Variants in WDR37 observed in about 807,000 individuals in gnomAD.
The protein encoded by WDR37 is WD repeat domain 37, also known as WD repeat-containing protein 37.
WDR37 carries 19 observed loss-of-function variants against 62.9 expected under a neutral mutation model. The observed-to-expected ratio is 0.30, with a 90% confidence interval of 0.21 to 0.44. WDR37 has a LOEUF of 0.44. Ranked by LOEUF, WDR37 falls within the 20% of genes least tolerant of loss-of-function variation. The probability of loss-of-function intolerance (pLI) is 1.00; values close to 1 mark genes in which losing one functional copy is unlikely to be tolerated. For missense variants in WDR37, 474 were observed against 657.6 expected (o/e 0.72, Z 3.05); for synonymous variants, 250 against 260.9 (o/e 0.96, Z 0.40).
rs1039109327 is a variant in WDR37 at position 1,131,013 on chromosome 10, A to T, written c.*1669A>T. 6.6e-6 allele frequency: 1 copy of T among 152,232 alleles called. No homozygotes were observed. The highest frequency in any genetic ancestry group is 2.4e-5 in the African/African-American group (1 of 41,456). The allele number at this position is 152,232 out of a possible 1,614,324, so 9.4% of individuals were successfully genotyped here. On this transcript the variant is annotated 3_prime_UTR_variant, in exon 14 of 14. Coordinates refer to ENST00000263150, the MANE Select transcript of WDR37 (RefSeq NM_014023.4). Reference sequence around the variant, plus strand: ...TTTCAGTCATTTTGATTTTACAAATAAAAAATGTGTTGTGTTTTTGTCCGA... The same window carrying T: ...TTTCAGTCATTTTGATTTTACAAATTAAAAATGTGTTGTGTTTTTGTCCGA...
chr10:1,087,250 T>G (rs1337061708), intron 7 of WDR37, among the ~76,000 whole-genome samples: 1 of 152,224 alleles, frequency 6.6e-6, no homozygotes, highest in Non-Finnish European at 1.5e-5. Context: ...CTTACCTGTC[T>G]TCCTCCCCTG....
intron 1 of WDR37, among the ~76,000 whole-genome samples, chr10:1,062,362 T>C (rs527484660): frequency 5.9e-5 from 9 of 152,258 alleles, no homozygotes; most frequent in Admixed American, 5.2e-4. Context: ...ACTTATAATT[T>C]TGATGAGAAA....
intron 11 of WDR37, among the ~76,000 whole-genome samples, chr10:1,118,486 A>C (rs1479302637): frequency 2.8e-5 from 4 of 144,058 alleles, no homozygotes; most frequent in Non-Finnish European, 3.0e-5. Context: ...CACACATCTG[A>C]GCTGCGTGCA....
At chr10:1,129,122 T>C in intron 13 of WDR37, 91 bp from the exon 14 acceptor site, 1 of 1,552,628 alleles carries the variant, frequency 6.4e-7, no homozygotes, top group Middle Eastern at 1.8e-4. Context: ...ACTTACGTAC[T>C]TTGAGTGATG....
chr10:1,065,148 T>G (rs1055002999), intron 1 of WDR37, among the ~76,000 whole-genome samples: 1 of 152,224 alleles, frequency 6.6e-6, no homozygotes, highest in Non-Finnish European at 1.5e-5. Flanking sequence ...AAAATATCGG[T>G]CAATTTAGTA....
At chr10:1,115,317 G>A (rs745573472) in intron 11 of WDR37, among the ~76,000 whole-genome samples, 1 of 152,084 alleles carries the variant, frequency 6.6e-6, no homozygotes, top group African/African-American at 2.4e-5. Flanking sequence ...TTCTTCTAAA[G>A]AAAACAAAAC....
chr10:1,088,694 T>TAA (rs112287538), intron 7 of WDR37, among the ~76,000 whole-genome samples: 49 of 136,818 alleles, frequency 3.6e-4, no homozygotes, highest in African/African-American at 9.4e-4. Flanking sequence ...AAAAAGAAAT[T>TAA]AAAAAAAAAA....
At chr10:1,115,929 C>A (rs963105029) in intron 11 of WDR37, among the ~76,000 whole-genome samples, 2 of 152,150 alleles carry the variant, frequency 1.3e-5, no homozygotes, top group African/African-American at 4.8e-5. Context: ...TGTCTCCTCT[C>A]AGTGTTACAT....
chr10:1,092,320 G>T (rs11250259), intron 7 of WDR37, among the ~76,000 whole-genome samples: 147,926 of 152,186 alleles, frequency 0.97, 72,034 homozygotes, highest in Middle Eastern at 1. Flanking sequence ...GGCAAGACCC[G>T]GTCTCTACTA....
intron 12 of WDR37, among the ~76,000 whole-genome samples, 168 bp from the exon 13 acceptor site, chr10:1,124,742 G>A (rs1420280857): frequency 6.6e-6 from 1 of 152,074 alleles, no homozygotes; most frequent in Non-Finnish European, 1.5e-5. Context: ...CTACGTGTGA[G>A]TAACTTGGTC....
intron 11 of WDR37, among the ~76,000 whole-genome samples, chr10:1,111,214 G>A (rs917008617): frequency 3.9e-5 from 6 of 152,180 alleles, no homozygotes; most frequent in East Asian, 3.8e-4. Context: ...GGAACTAAGC[G>A]TAAATTCTTT....
At chr10:1,111,735 G>A (rs1835224180) in intron 11 of WDR37, among the ~76,000 whole-genome samples, 1 of 152,200 alleles carries the variant, frequency 6.6e-6, no homozygotes, top group Admixed American at 6.5e-5. Context: ...TTGACTGTTT[G>A]TTAGTGACCC....
rs566670086 is a variant in WDR37 at position 1,072,300 on chromosome 10, T to C, written c.138+7T>C. 2.9e-5 allele frequency: 47 copies of C among 1,613,022 alleles called. 1 individual carries two copies. The South Asian group carries it at 3.6e-4, about 12-fold the overall frequency. On this transcript the variant is annotated splice_region_variant and intron_variant, in intron 2 of 13. Coordinates refer to ENST00000263150, the MANE Select transcript of WDR37 (RefSeq NM_014023.4). ...AGACATGTTAGAAGGACAAGTAAGC[T>C]ACGATTGATTAGGGCCTTATTGATT...
chr10:1,086,426 C>T, intron 7 of WDR37, 69 bp downstream of exon 7: 1 of 1,267,786 alleles, frequency 7.9e-7, no homozygotes. Flanking sequence ...TAAAATCGTG[C>T]ATGATAAAGC....
chr10:1,096,262 T>C lies in WDR37; in HGVS notation c.726+16T>C, dbSNP rs747191712. The stretch of plus-strand genomic sequence containing the variant: ...TGACACTAGTGTAAGCACCTTTCCT[T>C]ACCTGTGAATGTGTAGGATGCTGAT... On this transcript the variant is annotated intron_variant, in intron 9 of 13. Transcript: ENST00000263150. 2 of 1,612,696 alleles carry C rather than the reference T, an allele frequency of 1.2e-6. No homozygotes were observed. The highest frequency in any genetic ancestry group is 3.3e-5 in the Admixed American group (2 of 60,024).
intron 11 of WDR37, among the ~76,000 whole-genome samples, chr10:1,113,533 A>G (rs183815391): frequency 3.1e-3 from 466 of 152,348 alleles, no homozygotes; most frequent in East Asian, 5.4e-3. Flanking sequence ...ACGTCAATTG[A>G]GCACCTTCTG....
chr10:1,070,053 A>G (rs979611093), intron 1 of WDR37, among the ~76,000 whole-genome samples: 1 of 152,002 alleles, frequency 6.6e-6, no homozygotes, highest in African/African-American at 2.4e-5. Context: ...TAAAAATACA[A>G]AAATTAGCTG....
intron 7 of WDR37, among the ~76,000 whole-genome samples, chr10:1,087,230 G>A (rs938149734): frequency 2.6e-5 from 4 of 152,130 alleles, no homozygotes; most frequent in Non-Finnish European, 5.9e-5. Flanking sequence ...CCCCTCCTCC[G>A]TGCTGCCTTC....
intron 3 of WDR37, among the ~76,000 whole-genome samples, chr10:1,079,600 T>C (rs1833968109): frequency 6.6e-6 from 1 of 151,888 alleles, no homozygotes; most frequent in Non-Finnish European, 1.5e-5. Context: ...TGTGGCGTGA[T>C]CTCGGCTCAC....
Sources: allele counts gnomAD v4.1 joint callset (sites outside exome capture counted in the v4.1 genomes callset), GRCh38; gene constraint gnomAD v4.1.1; transcripts MANE v1.5; gene names NCBI Gene and HGNC (gene_info 2026-07-23, HGNC 2026-07-21).